Variants in CUL1 observed in about 807,000 individuals in gnomAD.
The protein encoded by CUL1 is cullin 1.
A neutral mutation model predicts 118.0 loss-of-function variants in CUL1; 24 were observed. The ratio of observed to expected loss-of-function variants is 0.20; its 90% CI spans 0.15 to 0.29. The LOEUF (loss-of-function observed/expected upper bound fraction) is 0.29. Among genes scored for constraint, CUL1 ranks in the 10% least tolerant of loss-of-function variants. The pLI is 1.00. For synonymous variants in CUL1, 332 were observed against 340.4 expected, an observed-to-expected ratio of 0.98 and a Z score of 0.27; for missense variants, 361 against 933.8, an observed-to-expected ratio of 0.39 and a Z score of 7.99.
intron 2 of CUL1, among the ~76,000 whole-genome samples, chr7:148,743,668 C>T (rs1799216410): frequency 6.7e-6 from 1 of 148,684 alleles, no homozygotes; most frequent in Non-Finnish European, 1.5e-5. Context: ...CATTGGGAGG[C>T]CAAGGCGGGC....
chr7:148,770,233 G>A (rs781128272), intron 9 of CUL1, among the ~76,000 whole-genome samples: 2 of 152,186 alleles, frequency 1.3e-5, no homozygotes, highest in Non-Finnish European at 2.9e-5. Flanking sequence ...TACATTTTAC[G>A]AGAAATCAAG....
chr7:148,762,900 A>T lies in CUL1; in HGVS notation c.789+2404A>T, dbSNP rs1257839494. ...GGTGGCTCACGCCTGTGATCCTAGC[A>T]CTTTGGGAGGCCGAGGTGGGCAGAT... On this transcript the variant is annotated intron_variant, in intron 7 of 21. Transcript: ENST00000325222. 2.6e-5 allele frequency among the ~76,000 whole-genome samples: 4 copies of T among 152,354 alleles called. No individual in the cohort carries two copies. The East Asian group carries it at 7.7e-4, about 29-fold the overall frequency.
chr7:148,797,690 T>C, intron 17 of CUL1, 122 bp from the exon 18 acceptor site: 1 of 743,872 alleles, frequency 1.3e-6, no homozygotes, highest in Non-Finnish European at 2.2e-6. Context: ...CAGCATACTC[T>C]TCTTTTGGGT....
chr7:148,760,884 A>G (rs1799805456), intron 7 of CUL1, among the ~76,000 whole-genome samples: 1 of 152,230 alleles, frequency 6.6e-6, no homozygotes, highest in South Asian at 2.1e-4. Context: ...AATCTATTAC[A>G]TAGCTTTCAT....
chr7:148,788,484 T>C (rs1304003631), intron 13 of CUL1, 73 bp from the exon 14 acceptor site: 3 of 933,186 alleles, frequency 3.2e-6, no homozygotes, highest in Non-Finnish European at 5.1e-6. Flanking sequence ...ATACTCTGAT[T>C]TCTCTAAGAT....
intron 9 of CUL1, among the ~76,000 whole-genome samples, chr7:148,774,238 C>T (rs1162618277): frequency 1.3e-5 from 2 of 152,172 alleles, no homozygotes; most frequent in Non-Finnish European, 1.5e-5. Context: ...CCGTGGGGTA[C>T]GATCGGCTAG....
intron 9 of CUL1, among the ~76,000 whole-genome samples, chr7:148,775,301 A>G (rs993704630): frequency 4.6e-5 from 7 of 152,236 alleles, no homozygotes; most frequent in African/African-American, 1.4e-4. Context: ...ACAGAACCTT[A>G]CATTTGGAGT....
At chr7:148,766,486 A>C in intron 7 of CUL1, 75 bp from the exon 8 acceptor site, 2 of 1,259,410 alleles carry the variant, frequency 1.6e-6, no homozygotes, top group Non-Finnish European at 2.2e-6. Flanking sequence ...AGTTTCCTTT[A>C]ATTTACATAT....
Position 148,750,310 on chromosome 7 carries a change from T to A in CUL1, c.141-3666T>A, listed in dbSNP as rs558403656. On this transcript the variant is annotated intron_variant, in intron 2 of 21. Transcript: ENST00000325222. The stretch of plus-strand genomic sequence containing the variant: ...CACCTAGGACTTTTTTTTTTTTTTT[T>A]AAATTATACTTTAAGTTCTAGGGTA... 3.3e-4 allele frequency among the ~76,000 whole-genome samples: 50 copies of A among 150,408 alleles called. 1 individual carries two copies. Among genetic ancestry groups the A allele is most frequent in the African/African-American group, 6.3e-4 (26 of 41,018 alleles).
Position 148,756,994 on chromosome 7 carries a change from T to C in CUL1, c.327T>C (p.Asp109=). The C allele has an allele frequency of 6.3e-7, 1 of 1,586,764 alleles. No homozygotes were observed. The change falls in exon 4 of 22, where the codon GAT becomes GAC. Residue 109 remains aspartate (D), a synonymous_variant. Coordinates refer to ENST00000325222, the MANE Select transcript of CUL1 (RefSeq NM_003592.3). ...TAACTTGTTTTTAGGATGGAGAAGATTTGATGGATGAGAGTGTACTGAAAT... is the reference window on the plus strand; with the variant it reads ...TAACTTGTTTTTAGGATGGAGAAGACTTGATGGATGAGAGTGTACTGAAAT... ...YLTNLLKDGE[D]LMDESVLKFY...
At chr7:148,768,443 T>G (rs1002581115) in intron 9 of CUL1, among the ~76,000 whole-genome samples, 7 of 145,370 alleles carry the variant, frequency 4.8e-5, no homozygotes, top group Non-Finnish European at 1.0e-4. Context: ...GGAGTGCAGT[T>G]GTGCCATCTC....
chr7:148,778,070 C>CAAAAAAAAAAAAAAAAAAAAAAA (rs1203417069), intron 9 of CUL1, among the ~76,000 whole-genome samples: 7 of 13,792 alleles, frequency 5.1e-4, no homozygotes, highest in Non-Finnish European at 7.1e-4. Flanking sequence ...GACCCTGTCT[C>CAAAAAAAAAAAAAAAAAAAAAAA]AAAAAAAAAA....
chr7:148,786,500 T>C (rs1211097429), intron 11 of CUL1, 51 bp from the exon 12 acceptor site: 1 of 1,391,098 alleles, frequency 7.2e-7, no homozygotes, highest in South Asian at 1.2e-5. Context: ...AAGTGGTGCT[T>C]GTTTAAACGT....
At chr7:148,792,089 G>A (rs1801030902) in intron 16 of CUL1, among the ~76,000 whole-genome samples, 2 of 152,020 alleles carry the variant, frequency 1.3e-5, no homozygotes, top group African/African-American at 4.8e-5. Context: ...TGGAGGCCAA[G>A]GCAGGAGAAT....
intron 5 of CUL1, 53 bp from the exon 6 acceptor site, chr7:148,759,495 A>G: frequency 7.6e-7 from 1 of 1,317,300 alleles, no homozygotes; most frequent in Non-Finnish European, 1.1e-6. Context: ...ATATGTAGTA[A>G]TATATATCAT....
intron 1 of CUL1, among the ~76,000 whole-genome samples, chr7:148,724,395 A>G (rs894271090): frequency 6.6e-6 from 1 of 151,924 alleles, no homozygotes; most frequent in African/African-American, 2.4e-5. Context: ...GTGTTCCATT[A>G]TTTTCCAAGG....
Position 148,760,497 on chromosome 7 carries a change from G to A in CUL1, c.789+1G>A. The A allele has an allele frequency of 6.2e-7, 1 of 1,604,904 alleles. No homozygotes were observed. The highest frequency in any genetic ancestry group is 8.5e-7 in the Non-Finnish European group (1 of 1,175,612). ...CCCAGTTACTGAATATATGAAAAAG[G>A]TAAGCTTAAATATAGTACTTTAAGT... On this transcript the variant is annotated splice_donor_variant, in intron 7 of 21. Coordinates refer to ENST00000325222, the MANE Select transcript of CUL1 (RefSeq NM_003592.3). LOFTEE classifies it high-confidence loss of function.
intron 9 of CUL1, among the ~76,000 whole-genome samples, chr7:148,772,396 CAGAG>C (rs1163706605): frequency 1.4e-5 from 2 of 146,208 alleles, no homozygotes; most frequent in Non-Finnish European, 1.5e-5. Context: ...GCCTGGGTGA[CAGAG>C]AGAGACTCCG....
chr7:148,763,749 A>G (rs1186259436), intron 7 of CUL1, among the ~76,000 whole-genome samples: 1 of 152,234 alleles, frequency 6.6e-6, no homozygotes, highest in East Asian at 1.9e-4. Context: ...AAACCACAGG[A>G]TAAAGGGTGG....
Sources: gnomAD v4.1 joint callset for allele counts (sites outside exome capture counted in the v4.1 genomes callset) on GRCh38, gnomAD v4.1.1 for gene constraint, MANE v1.5 for transcripts, NCBI Gene and HGNC (gene_info 2026-07-23, HGNC 2026-07-21) for gene names.